The following HS3ST2 variants were observed in gnomAD, a reference collection of about 807,000 sequenced individuals.
HS3ST2 encodes heparan sulfate glucosamine 3-O-sulfotransferase 2.
Under a neutral mutation model 26.3 loss-of-function variants are expected in HS3ST2, and 17 were observed. That is an observed-to-expected ratio of 0.65 (90% CI 0.44 to 0.97). The LOEUF is 0.97. Among genes scored for constraint, HS3ST2 ranks in the 50% least tolerant of loss-of-function variants. HS3ST2 has a pLI of 0.00. For synonymous variants in HS3ST2, 237 were observed against 219.2 expected, an observed-to-expected ratio of 1.08 and a Z score of -0.72; for missense variants, 402 against 501.2, an observed-to-expected ratio of 0.80 and a Z score of 1.89.
chr16:22,837,538 G>T (rs1263006436), intron 1 of HS3ST2, among the ~76,000 whole-genome samples: 1 of 141,616 alleles, frequency 7.1e-6, no homozygotes, highest in Admixed American at 7.2e-5. Flanking sequence ...TATATACACA[G>T]ATATATGTAT....
At chr16:22,908,144 C>A (rs568043152) in intron 1 of HS3ST2, among the ~76,000 whole-genome samples, 1 of 152,144 alleles carries the variant, frequency 6.6e-6, no homozygotes, top group Admixed American at 6.5e-5. Flanking sequence ...CAAACACAAA[C>A]CAGCATGAGA....
At chr16:22,850,487 T>C (rs371646654) in intron 1 of HS3ST2, among the ~76,000 whole-genome samples, 11 of 152,282 alleles carry the variant, frequency 7.2e-5, no homozygotes, top group South Asian at 4.2e-4. Flanking sequence ...GCTGTTCTTA[T>C]TCAGAATCTC....
chr16:22,860,020 C>T (rs1901652618), intron 1 of HS3ST2, among the ~76,000 whole-genome samples: 1 of 152,188 alleles, frequency 6.6e-6, no homozygotes, highest in African/African-American at 2.4e-5. Context: ...CCTTTGTACT[C>T]AGCCCTCTTA....
chr16:22,868,849 T>G (rs1042870870), intron 1 of HS3ST2, among the ~76,000 whole-genome samples: 5 of 152,050 alleles, frequency 3.3e-5, no homozygotes, highest in Admixed American at 6.6e-5. Context: ...ACCTATAATT[T>G]CATTTTTAAA....
intron 1 of HS3ST2, among the ~76,000 whole-genome samples, chr16:22,821,818 C>G (rs969871721): frequency 5.3e-5 from 8 of 152,216 alleles, no homozygotes; most frequent in East Asian, 1.9e-4. Flanking sequence ...GGGAAATGAC[C>G]TTGTGCTTCT....
Position 22,915,435 on chromosome 16 carries a change from T to C in HS3ST2, c.977T>C (p.Leu326Ser). The C allele has an allele frequency of 6.2e-7, 1 of 1,613,602 alleles. No individual in the cohort carries two copies. The highest frequency in any genetic ancestry group is 8.5e-7 in the Non-Finnish European group (1 of 1,179,904). Residue 326 changes from leucine (L) to serine (S), a missense_variant, in exon 2 of 2, where the codon TTG becomes TCG. Coordinates refer to ENST00000261374, the MANE Select transcript of HS3ST2 (RefSeq NM_006043.2). Reference protein sequence around the residue: ...KTESSLLPRCLGKSKGRTHVQ... With the variant: ...KTESSLLPRCSGKSKGRTHVQ... ...GAATCGAGCCTCCTGCCTCGATGCT[T>C]GGGCAAATCAAAAGGGAGAACTCAT...
chr16:22,842,405 GTTTA>G (rs1036307758), intron 1 of HS3ST2, among the ~76,000 whole-genome samples: 5 of 151,934 alleles, frequency 3.3e-5, no homozygotes, highest in African/African-American at 7.2e-5. Context: ...ACATGGATTT[GTTTA>G]TTTATTTATC....
In HS3ST2 at chr16:22,860,896, A is replaced by G. The variant is rs566858474; in HGVS notation, c.485+45801A>G. 2.0e-5 allele frequency among the ~76,000 whole-genome samples: 3 copies of G among 151,412 alleles called. No homozygotes were observed. The South Asian group carries it at 6.2e-4, about 32-fold the overall frequency. On this transcript the variant is annotated intron_variant, in intron 1 of 1. Transcript: ENST00000261374. ...TTAATATAATTATATATAGACAGAC[A>G]GGGTCTTAGTTTGTCGCCCAGGCTG...
chr16:22,868,540 G>A (rs1901789018), intron 1 of HS3ST2, among the ~76,000 whole-genome samples: 1 of 151,188 alleles, frequency 6.6e-6, no homozygotes, highest in South Asian at 2.1e-4. Flanking sequence ...TTATTTCCAT[G>A]TATATCAGCT....
intron 1 of HS3ST2, among the ~76,000 whole-genome samples, chr16:22,912,641 C>G (rs943786962): frequency 6.6e-6 from 1 of 152,188 alleles, no homozygotes; most frequent in African/African-American, 2.4e-5. Context: ...GTTGTATAGG[C>G]AGTGTATCCA....
chr16:22,854,404 G>C (rs1195001228), intron 1 of HS3ST2, among the ~76,000 whole-genome samples: 1 of 151,882 alleles, frequency 6.6e-6, no homozygotes, highest in Non-Finnish European at 1.5e-5. Context: ...CACAGGTTCA[G>C]GTTTTTCTTT....
chr16:22,841,862 C>T (rs1901362641), intron 1 of HS3ST2, among the ~76,000 whole-genome samples: 1 of 152,014 alleles, frequency 6.6e-6, no homozygotes, highest in Non-Finnish European at 1.5e-5. Flanking sequence ...TTCAATTAAT[C>T]ATTTAGCTCA....
chr16:22,870,322 T>A (rs1007934362), intron 1 of HS3ST2, among the ~76,000 whole-genome samples: 5 of 152,152 alleles, frequency 3.3e-5, no homozygotes, highest in Non-Finnish European at 7.4e-5. Flanking sequence ...ATATGACGAC[T>A]GCTCACCCAC....
chr16:22,834,690 T>A (rs1901225970), intron 1 of HS3ST2, among the ~76,000 whole-genome samples: 1 of 151,786 alleles, frequency 6.6e-6, no homozygotes, highest in Non-Finnish European at 1.5e-5. Flanking sequence ...AAAGTATCCA[T>A]TTTTTGATAC....
chr16:22,852,168 A>C (rs1901527462), intron 1 of HS3ST2, among the ~76,000 whole-genome samples: 1 of 152,188 alleles, frequency 6.6e-6, no homozygotes, highest in Non-Finnish European at 1.5e-5. Context: ...ACTTCTAAAC[A>C]ATACAGTGAG....
intron 1 of HS3ST2, among the ~76,000 whole-genome samples, chr16:22,846,202 G>A (rs1340573968): frequency 2.0e-5 from 3 of 151,970 alleles, no homozygotes; most frequent in Admixed American, 2.0e-4. Context: ...GTTTGAACCC[G>A]GGAGGCAGAG....
At chr16:22,902,984 G>A (rs1327162439) in intron 1 of HS3ST2, among the ~76,000 whole-genome samples, 4 of 152,064 alleles carry the variant, frequency 2.6e-5, no homozygotes, top group African/African-American at 9.7e-5. Flanking sequence ...TATAGTGTAG[G>A]TGCTGCAGAT....
At chr16:22,838,753 C>T (rs995329426) in intron 1 of HS3ST2, among the ~76,000 whole-genome samples, 3 of 152,210 alleles carry the variant, frequency 2.0e-5, no homozygotes, top group Non-Finnish European at 4.4e-5. Context: ...AAAGTCAGTT[C>T]TTCCTCTTGC....
At chr16:22,816,838 C>T (rs932520027) in intron 1 of HS3ST2, among the ~76,000 whole-genome samples, 1 of 152,202 alleles carries the variant, frequency 6.6e-6, no homozygotes, top group Non-Finnish European at 1.5e-5. Context: ...ATTATGACAC[C>T]TTTTGCCAAT....
Sources: gnomAD v4.1 joint callset for allele counts (sites outside exome capture counted in the v4.1 genomes callset) on GRCh38, gnomAD v4.1.1 for gene constraint, MANE v1.5 for transcripts, NCBI Gene and HGNC (gene_info 2026-07-23, HGNC 2026-07-21) for gene names.